DCAF8L2: variants seen among roughly 807,000 people sequenced by gnomAD.
DCAF8L2 encodes the protein DDB1- and CUL4-associated factor 8-like protein 2.
For missense variants in DCAF8L2, 430 were observed against 490.7 expected, an observed-to-expected ratio of 0.88 and a Z score of 1.17; for synonymous variants, 200 against 190.9, an observed-to-expected ratio of 1.05 and a Z score of -0.39.
chrX:27,610,913 A>C (rs921254988), intron 1 of DCAF8L2, among the ~76,000 whole-genome samples: 6 of 112,485 alleles, frequency 5.3e-5, no homozygotes, highest in African/African-American at 1.6e-4. Flanking sequence ...CCTCTAGTAC[A>C]TGGTGTGAGA....
At chrX:27,742,211 A>G (rs1921890544) in intron 4 of DCAF8L2, among the ~76,000 whole-genome samples, 1 of 111,594 alleles carries the variant, frequency 9.0e-6, no homozygotes, top group Non-Finnish European at 1.9e-5. Context: ...ATTGTGAAGC[A>G]TAATCCGTCA....
the DCAF8L2 span, among the ~76,000 whole-genome samples, chrX:27,544,219 T>A: frequency 9.0e-6 from 1 of 111,678 alleles, no homozygotes; most frequent in Non-Finnish European, 1.9e-5. Context: ...CACCATAAAC[T>A]GTTTTGCCAG....
chrX:27,549,922 A>G, the DCAF8L2 span, among the ~76,000 whole-genome samples: 1 of 111,894 alleles, frequency 8.9e-6, no homozygotes, highest in Non-Finnish European at 1.9e-5. Context: ...TGGGATATAA[A>G]GCACTTGCCC....
At chrX:27,706,177 G>A (rs530360219) in intron 3 of DCAF8L2, among the ~76,000 whole-genome samples, 23 of 110,815 alleles carry the variant, frequency 2.1e-4, no homozygotes, top group Non-Finnish European at 2.8e-4. Flanking sequence ...TACCAGTGCC[G>A]CGCTGTTTTG....
chrX:27,579,627 C>G, the DCAF8L2 span, among the ~76,000 whole-genome samples: 1 of 103,717 alleles, frequency 9.6e-6, no homozygotes, highest in African/African-American at 3.6e-5. Context: ...CACACACACA[C>G]ACACACACAC....
At chrX:27,470,270 AAG>A in the DCAF8L2 span, among the ~76,000 whole-genome samples, 1 of 112,506 alleles carries the variant, frequency 8.9e-6, no homozygotes, top group Non-Finnish European at 1.9e-5. Flanking sequence ...ATTTAGAGGA[AAG>A]AGAGTTTATT....
At chrX:27,526,922 T>C in the DCAF8L2 span, among the ~76,000 whole-genome samples, 1 of 112,640 alleles carries the variant, frequency 8.9e-6, no homozygotes, top group East Asian at 2.8e-4. Flanking sequence ...GTGTGAGGTG[T>C]CAGTCTGCCC....
rs190059878 is a variant in DCAF8L2 at position 27,625,077 on chromosome X, A to G, written c.-341-6802A>G. Among the ~76,000 whole-genome samples, 454 of 112,058 alleles carry G rather than the reference A, an allele frequency of 4.1e-3. 1 individual carries two copies. The highest frequency in any genetic ancestry group is 0.014 in the African/African-American group (429 of 30,857). ...GCAGACAACCTACAGAATGAGAGAAAAAATTTGCAAACTATGCGTCAAACA... is the reference window on the plus strand; with the variant it reads ...GCAGACAACCTACAGAATGAGAGAAGAAATTTGCAAACTATGCGTCAAACA... On this transcript the variant is annotated intron_variant, in intron 1 of 4. Coordinates refer to ENST00000451261, the MANE Select transcript of DCAF8L2 (RefSeq NM_001353450.2).
chrX:27,678,059 T>C (rs1930201178), intron 3 of DCAF8L2, 147 bp downstream of exon 3: 1 of 111,557 alleles, frequency 9.0e-6, no homozygotes, highest in Non-Finnish European at 1.9e-5. Flanking sequence ...AAGATGATGA[T>C]ATGAAAGGTG....
the DCAF8L2 span, among the ~76,000 whole-genome samples, chrX:27,530,685 G>T: frequency 2.7e-5 from 3 of 111,968 alleles, no homozygotes; most frequent in Non-Finnish European, 5.6e-5. Context: ...GATTGTGGTA[G>T]TCACCTGAGC....
intron 4 of DCAF8L2, among the ~76,000 whole-genome samples, chrX:27,737,019 T>A (rs1921560709): frequency 8.9e-6 from 1 of 111,808 alleles, no homozygotes; most frequent in African/African-American, 3.3e-5. Context: ...CCTTATTAAA[T>A]TTGGTTCATT....
chrX:27,563,912 A>G, the DCAF8L2 span, among the ~76,000 whole-genome samples: 23 of 112,224 alleles, frequency 2.0e-4, no homozygotes, highest in African/African-American at 6.8e-4. Flanking sequence ...TCAATATTTA[A>G]TAGCTTGTAT....
the DCAF8L2 span, among the ~76,000 whole-genome samples, chrX:27,551,022 G>A: frequency 1.5e-4 from 17 of 109,774 alleles, no homozygotes; most frequent in East Asian, 2.9e-4. Flanking sequence ...GAATTGTTTC[G>A]TGGTGCCACA....
intron 1 of DCAF8L2, among the ~76,000 whole-genome samples, chrX:27,617,291 T>C (rs1927524517): frequency 9.0e-6 from 1 of 111,001 alleles, no homozygotes; most frequent in African/African-American, 3.3e-5. Context: ...ATCTAGTACA[T>C]TGTGTTGTGT....
chrX:27,689,631 A>G (rs1292638989), intron 3 of DCAF8L2, among the ~76,000 whole-genome samples: 2 of 112,839 alleles, frequency 1.8e-5, no homozygotes, highest in Non-Finnish European at 3.7e-5. Context: ...AATTACTGTT[A>G]CTTGTCCAAT....
At chrX:27,507,144 G>A in the DCAF8L2 span, among the ~76,000 whole-genome samples, 6 of 111,371 alleles carry the variant, frequency 5.4e-5, no homozygotes, top group South Asian at 2.2e-3. Flanking sequence ...TTGAATTTTT[G>A]TACTCTTCAA....
chrX:27,702,423 T>C (rs1931162995), intron 3 of DCAF8L2, among the ~76,000 whole-genome samples: 1 of 98,124 alleles, frequency 1.0e-5, no homozygotes, highest in African/African-American at 3.8e-5. Context: ...ACAAACCATA[T>C]TCCTTATGAA....
At chrX:27,739,127 A>C (rs186092588) in intron 4 of DCAF8L2, among the ~76,000 whole-genome samples, 2 of 110,743 alleles carry the variant, frequency 1.8e-5, no homozygotes, top group Non-Finnish European at 3.8e-5. Context: ...TATTGACCCC[A>C]TTTCCCTTTG....
intron 2 of DCAF8L2, among the ~76,000 whole-genome samples, chrX:27,656,208 G>GAGA (rs1420880057): frequency 4.6e-4 from 52 of 112,054 alleles, no homozygotes; most frequent in Non-Finnish European, 2.4e-4. Flanking sequence ...ATTTTCCTTG[G>GAGA]AGAAGTAGCA....
Sources: allele counts gnomAD v4.1 joint callset (sites outside exome capture counted in the v4.1 genomes callset), GRCh38; gene constraint gnomAD v4.1.1; transcripts MANE v1.5; gene names NCBI Gene and HGNC (gene_info 2026-07-23, HGNC 2026-07-21).